Variants in GTF2H1 observed in about 807,000 individuals in gnomAD.
GTF2H1 encodes BTF2 p62.
A neutral mutation model predicts 71.2 loss-of-function variants in GTF2H1; 16 were observed. That is an observed-to-expected ratio of 0.22 (90% CI 0.15 to 0.34). The LOEUF is 0.34. Ranked by LOEUF, GTF2H1 falls within the 10% of genes least tolerant of loss-of-function variation. The pLI is 1.00. For missense variants in GTF2H1, 498 were observed against 648.2 expected, an observed-to-expected ratio of 0.77 and a Z score of 2.52; for synonymous variants, 215 against 219.0, an observed-to-expected ratio of 0.98 and a Z score of 0.16.
At chr11:18,326,573 T>C (rs1194582164) in intron 1 of GTF2H1, among the ~76,000 whole-genome samples, 3 of 152,160 alleles carry the variant, frequency 2.0e-5, no homozygotes, top group Admixed American at 6.5e-5. Context: ...TTCTGTCTCA[T>C]GATGTATTCT....
At chr11:18,361,099 G>A (rs531190855) in intron 14 of GTF2H1, among the ~76,000 whole-genome samples, 68 of 151,952 alleles carry the variant, frequency 4.5e-4, no homozygotes, top group Non-Finnish European at 9.4e-4. Context: ...CACTGCACCC[G>A]GCCAATACTT....
In GTF2H1 at chr11:18,322,738, C is replaced by G. The variant is rs1022572552; in HGVS notation, c.-18C>G. The G allele has an allele frequency of 8.5e-6, 1 of 117,308 alleles. No homozygotes were observed. Among genetic ancestry groups the G allele is most frequent in the Admixed American group, 1.3e-4 (1 of 7,806 alleles). 7.3% of individuals were successfully genotyped at this position (117,308 alleles called of 1,614,324 possible). ...TCCTGTCTAGAGTTGTAGCTTCCAC[C>G]TGGTAAGTTTAGACCGAAGAATGCA... On this transcript the variant is annotated splice_region_variant and 5_prime_UTR_variant, in exon 1 of 15. Transcript: ENST00000265963.
chr11:18,360,056 A>T (rs1192733854), intron 13 of GTF2H1, among the ~76,000 whole-genome samples: 3 of 152,060 alleles, frequency 2.0e-5, no homozygotes, highest in Non-Finnish European at 4.4e-5. Flanking sequence ...CCTGGGTGAC[A>T]GAATGAGACC....
rs756623870 is a variant in GTF2H1 at position 18,352,463 on chromosome 11, G to GT, written c.1260+20dup. On this transcript the variant is annotated intron_variant, in intron 11 of 14. Coordinates refer to ENST00000265963, the MANE Select transcript of GTF2H1 (RefSeq NM_005316.4). ...TTAACTCAGGTAGGTGACTTCTACT[G>GT]TTTGAAGGCCAGAATTCCCATAGTT... The GT allele has an allele frequency of 8.4e-6, 8 of 952,300 alleles. No homozygotes were observed. Among genetic ancestry groups the GT allele is most frequent in the Non-Finnish European group, 1.4e-5 (8 of 580,256 alleles). The allele number at this position is 952,300 out of a possible 1,614,324, so 59.0% of individuals were successfully genotyped here. A position where few individuals can be genotyped will look rare whatever the true frequency, so the allele number is the denominator to read the frequency against.
At chr11:18,347,513 T>C (rs1471597160) in intron 7 of GTF2H1, 75 bp from the exon 8 acceptor site, 1 of 1,096,720 alleles carries the variant, frequency 9.1e-7, no homozygotes, top group Non-Finnish European at 1.3e-6. Flanking sequence ...CCAGCAAATT[T>C]TTTCAGCTAA....
chr11:18,328,863 T>C (rs1182272547), intron 1 of GTF2H1, among the ~76,000 whole-genome samples: 6 of 152,202 alleles, frequency 3.9e-5, no homozygotes, highest in African/African-American at 1.4e-4. Context: ...TACATGCCTT[T>C]TTTTTCTGTG....
intron 2 of GTF2H1, 196 bp downstream of exon 2, chr11:18,333,424 A>G (rs2133958185): frequency 2.5e-6 from 1 of 405,198 alleles, no homozygotes; most frequent in Non-Finnish European, 4.3e-6. Context: ...AGGTTTACAT[A>G]TAATATGTAA....
chr11:18,357,901 A>G (rs370407401), intron 11 of GTF2H1, 51 bp from the exon 12 acceptor site: 3 of 824,530 alleles, frequency 3.6e-6, no homozygotes, highest in African/African-American at 1.8e-5. Context: ...AGAGGTGGCA[A>G]AAAAAAAAAA....
intron 2 of GTF2H1, among the ~76,000 whole-genome samples, chr11:18,334,247 G>A (rs910478702): frequency 6.6e-5 from 10 of 152,166 alleles, no homozygotes; most frequent in African/African-American, 2.4e-4. Flanking sequence ...GGGCATGGTG[G>A]CGGGCGCCTG....
intron 7 of GTF2H1, among the ~76,000 whole-genome samples, chr11:18,344,016 G>C: frequency 6.6e-6 from 1 of 152,078 alleles, no homozygotes; most frequent in South Asian, 2.1e-4. Context: ...TGTAGAGACA[G>C]GGTCTCCCTA....
chr11:18,351,063 A>G (rs1485216974), intron 9 of GTF2H1, among the ~76,000 whole-genome samples: 2 of 152,180 alleles, frequency 1.3e-5, no homozygotes, highest in East Asian at 3.8e-4. Flanking sequence ...TAATTTTGTT[A>G]AAAGAAACTT....
chr11:18,358,541 T>TA lies in GTF2H1; in HGVS notation c.1369dup (p.Ile457AsnfsTer4). The TA allele has an allele frequency of 6.3e-7, 1 of 1,596,980 alleles. No individual in the cohort carries two copies. The highest frequency in any genetic ancestry group is 8.6e-7 in the Non-Finnish European group (1 of 1,164,414). ...CTTTTGCAGAGATGGTGCCAAATGA[T>TA]ATTCAATCTGAATTGAAACACTTAT... is the stretch of plus-strand genomic sequence containing the variant. On this transcript the variant is annotated frameshift_variant, in exon 13 of 15. Transcript: ENST00000265963. LOFTEE classifies it high-confidence loss of function.
chr11:18,352,139 A>G (rs995750523), intron 10 of GTF2H1, 170 bp downstream of exon 10: 7 of 624,338 alleles, frequency 1.1e-5, no homozygotes, highest in African/African-American at 1.8e-5. Context: ...ACCCATGACA[A>G]TAAATGTGGA....
intron 1 of GTF2H1, among the ~76,000 whole-genome samples, chr11:18,327,006 A>G (rs1864783474): frequency 6.6e-6 from 1 of 152,160 alleles, no homozygotes; most frequent in South Asian, 2.1e-4. Flanking sequence ...AAAAAAAAAT[A>G]GAAAAATTAG....
intron 1 of GTF2H1, among the ~76,000 whole-genome samples, chr11:18,329,276 G>T (rs1864840918): frequency 6.6e-6 from 1 of 152,192 alleles, no homozygotes; most frequent in South Asian, 2.1e-4. Flanking sequence ...ATCTCCACCT[G>T]CATGACTCAG....
Position 18,335,164 on chromosome 11 carries a change from A to T in GTF2H1, c.155-590A>T, listed in dbSNP as rs185383385. ...AGGCTTGAATATATTCAGCTTAAAC[A>T]TTTTGTGCAAGAGTAATAACATACA... On this transcript the variant is annotated intron_variant, in intron 2 of 14. Coordinates refer to ENST00000265963, the MANE Select transcript of GTF2H1 (RefSeq NM_005316.4). 2.6e-5 allele frequency among the ~76,000 whole-genome samples: 4 copies of T among 152,310 alleles called. No individual in the cohort carries two copies. In the East Asian group the frequency reaches 7.7e-4, roughly 29 times the overall value.
intron 11 of GTF2H1, among the ~76,000 whole-genome samples, chr11:18,357,442 G>A (rs1024831592): frequency 3.3e-5 from 5 of 151,906 alleles, no homozygotes; most frequent in South Asian, 2.1e-4. Context: ...AGCCAGGTGC[G>A]GAGTACACAC....
intron 5 of GTF2H1, 127 bp downstream of exon 5, chr11:18,339,784 G>A: frequency 1.7e-6 from 1 of 602,938 alleles, no homozygotes; most frequent in Non-Finnish European, 2.9e-6. Flanking sequence ...TTTTTACCCA[G>A]TGCCTGACAT....
chr11:18,330,337 T>C (rs1476610132), intron 1 of GTF2H1, among the ~76,000 whole-genome samples: 1 of 152,094 alleles, frequency 6.6e-6, no homozygotes, highest in Non-Finnish European at 1.5e-5. Flanking sequence ...CAGTTGTAGG[T>C]AAAGAAAGGC....
Sources: allele counts gnomAD v4.1 joint callset (sites outside exome capture counted in the v4.1 genomes callset), GRCh38; gene constraint gnomAD v4.1.1; transcripts MANE v1.5; gene names NCBI Gene and HGNC (gene_info 2026-07-23, HGNC 2026-07-21).